The following SLC4A7 variants were observed in gnomAD, a reference collection of about 807,000 sequenced individuals.
The protein encoded by SLC4A7 is solute carrier family 4 member 7, also known as sodium bicarbonate cotransporter 3.
In SLC4A7, 51 loss-of-function variants were observed where a neutral mutation model predicts 137.6. That is an observed-to-expected ratio of 0.37 (90% CI 0.30 to 0.47). The LOEUF (loss-of-function observed/expected upper bound fraction) is 0.47, where lower values mean the gene tolerates loss of function less well. Among genes scored for constraint, SLC4A7 ranks in the 20% least tolerant of loss-of-function variants. The probability of loss-of-function intolerance (pLI) is 1.00; values close to 1 mark genes in which losing one functional copy is unlikely to be tolerated. For missense variants in SLC4A7, 1,247 were observed against 1,525.4 expected, an observed-to-expected ratio of 0.82 and a Z score of 3.04; for synonymous variants, 542 against 518.6, an observed-to-expected ratio of 1.05 and a Z score of -0.61.
At chr3:27,453,531 T>C (rs1254819808) in intron 1 of SLC4A7, among the ~76,000 whole-genome samples, 1 of 152,196 alleles carries the variant, frequency 6.6e-6, no homozygotes, top group Non-Finnish European at 1.5e-5. Context: ...GAGAATCACT[T>C]GAACCCGGGA....
intron 1 of SLC4A7, among the ~76,000 whole-genome samples, chr3:27,457,539 T>C (rs1289289203): frequency 1.3e-5 from 2 of 152,184 alleles, no homozygotes; most frequent in Non-Finnish European, 2.9e-5. Flanking sequence ...ATTCCTCTGA[T>C]AGTTCATCAA....
At chr3:27,466,359 G>C (rs569997610) in intron 1 of SLC4A7, among the ~76,000 whole-genome samples, 241 of 151,802 alleles carry the variant, frequency 1.6e-3, no homozygotes, top group African/African-American at 5.3e-3. Context: ...GCTGAGGCAG[G>C]AGAATGGTGT....
Position 27,394,637 on chromosome 3 carries a change from A to G in SLC4A7, c.2998T>C (p.Ser1000Pro), listed in dbSNP as rs1438466695. ...TGTTCCCCTGGAGCAGAACATTCAG[A>G]TTCAACTTTTAAGCTGTTGACATGA... ...ISHVNSLKVESECSAPGEQPK... is the reference protein window; with the variant it reads ...ISHVNSLKVEPECSAPGEQPK... The change falls in exon 20 of 26, where the codon TCT becomes CCT. Residue 1000 changes from serine (S) to proline (P), a missense_variant. Physicochemically the swap from Ser to Pro is moderately conservative, Grantham distance 74. Transcript: ENST00000454389. 5 of 1,614,172 alleles carry G rather than the reference A, an allele frequency of 3.1e-6. No individual in the cohort carries two copies. Among genetic ancestry groups the G allele is most frequent in the Non-Finnish European group, 4.2e-6 (5 of 1,180,016 alleles).
At chr3:27,478,511 CAAAA>C (rs34313327) in intron 1 of SLC4A7, among the ~76,000 whole-genome samples, 3 of 86,130 alleles carry the variant, frequency 3.5e-5, no homozygotes, top group Non-Finnish European at 7.2e-5. Flanking sequence ...GAGACTGCCT[CAAAA>C]AAAAAAAAAA....
At chr3:27,467,350 A>G (rs752241603) in intron 1 of SLC4A7, among the ~76,000 whole-genome samples, 5 of 152,154 alleles carry the variant, frequency 3.3e-5, no homozygotes, top group Non-Finnish European at 5.9e-5. Context: ...TATATGCCTT[A>G]TTTATGGAAT....
intron 15 of SLC4A7, 48 bp downstream of exon 15, chr3:27,403,091 T>G (rs1361820369): frequency 6.4e-7 from 1 of 1,550,802 alleles, no homozygotes; most frequent in South Asian, 1.3e-5. Context: ...GGCTCTGACA[T>G]CTCTGTAAAA....
intron 1 of SLC4A7, among the ~76,000 whole-genome samples, chr3:27,477,877 AT>A (rs1291887243): frequency 6.6e-6 from 1 of 152,030 alleles, no homozygotes; most frequent in Non-Finnish European, 1.5e-5. Flanking sequence ...AGCCTCCCAA[AT>A]TGCTGGGATT....
chr3:27,461,833 G>A (rs2150629157), intron 1 of SLC4A7, among the ~76,000 whole-genome samples: 1 of 151,618 alleles, frequency 6.6e-6, no homozygotes, highest in African/African-American at 2.4e-5. Context: ...ACTGTGGCAT[G>A]CTCCTGTAGT....
chr3:27,445,963 A>AATATATATATATATATAT (rs201941653), intron 3 of SLC4A7, among the ~76,000 whole-genome samples: 5 of 37,498 alleles, frequency 1.3e-4, no homozygotes, highest in African/African-American at 2.1e-4. Flanking sequence ...AAAAAAAAAA[A>AATATATATATATATATAT]ATATATATAT....
At position 27,401,329 on chromosome 3, in the gene SLC4A7, C is replaced by T. The variant is rs928308665; in HGVS notation, c.2322-460G>A. Among the ~76,000 whole-genome samples, 17 of 152,214 alleles carry T rather than the reference C, an allele frequency of 1.1e-4. No individual in the cohort carries two copies. In the South Asian group the frequency reaches 1.2e-3, roughly 11 times the overall value. ...CAGTCACCCTTTGTTGATCTTAAGGCTCATTCTTAAAGAAATAAATAAAAA... is the reference window on the plus strand; with the variant it reads ...CAGTCACCCTTTGTTGATCTTAAGGTTCATTCTTAAAGAAATAAATAAAAA... On this transcript the variant is annotated intron_variant, in intron 15 of 25. Transcript: ENST00000454389.
rs1166056403 is a variant in SLC4A7, at chr3:27,374,837, G to A, written c.*1927C>T. 36 of 152,464 alleles carry A rather than the reference G, an allele frequency of 2.4e-4. No homozygotes were observed. 9.4% of individuals were successfully genotyped at this position (152,464 alleles called of 1,614,324 possible). A position where few individuals can be genotyped will look rare whatever the true frequency, so the allele number is the denominator to read the frequency against. On this transcript the variant is annotated 3_prime_UTR_variant, in exon 26 of 26. Coordinates refer to ENST00000454389, the MANE Select transcript of SLC4A7 (RefSeq NM_001321103.2). The stretch of plus-strand genomic sequence containing the variant: ...ATCCTCTTGTTCAGGTACATCAGGG[G>A]AGTTTTAAAAATAGCAGCAAATACT...
intron 3 of SLC4A7, among the ~76,000 whole-genome samples, chr3:27,446,879 TTTTTTGTTTTTTTTG>T (rs1355200526): frequency 1.6e-4 from 15 of 92,610 alleles, no homozygotes; most frequent in Non-Finnish European, 2.9e-4. Flanking sequence ...TTTTTTGTTT[TTTTTTGTTTTTTTTG>T]TTTTTTTTAA....
chr3:27,431,814 C>T (rs982145483), intron 6 of SLC4A7, 145 bp from the exon 7 acceptor site: 9 of 727,828 alleles, frequency 1.2e-5, no homozygotes, highest in East Asian at 3.1e-5. Flanking sequence ...GCATGTCAAT[C>T]GGGTTTTTAC....
At chr3:27,460,798 CT>C (rs1432982895) in intron 1 of SLC4A7, among the ~76,000 whole-genome samples, 4 of 152,134 alleles carry the variant, frequency 2.6e-5, no homozygotes, top group Admixed American at 2.6e-4. Context: ...GCGCCATGGC[CT>C]TTAAGAATCT....
intron 23 of SLC4A7, among the ~76,000 whole-genome samples, chr3:27,384,435 G>C (rs1418566426): frequency 6.6e-6 from 1 of 152,146 alleles, no homozygotes; most frequent in African/African-American, 2.4e-5. Flanking sequence ...CTGAGGTCAG[G>C]AGAAAAGTAA....
chr3:27,470,381 G>C (rs2059188957), intron 1 of SLC4A7, among the ~76,000 whole-genome samples: 1 of 151,626 alleles, frequency 6.6e-6, no homozygotes, highest in Non-Finnish European at 1.5e-5. Flanking sequence ...GAAATATGAA[G>C]TTAAATTTGC....
chr3:27,405,264 A>G (rs542461043), intron 13 of SLC4A7, among the ~76,000 whole-genome samples: 10 of 152,240 alleles, frequency 6.6e-5, no homozygotes, highest in African/African-American at 2.4e-4. Flanking sequence ...TTGAGTGCCA[A>G]TACGACACTC....
intron 4 of SLC4A7, 102 bp from the exon 5 acceptor site, chr3:27,436,650 A>G: frequency 1.3e-6 from 1 of 761,336 alleles, no homozygotes; most frequent in Non-Finnish European, 1.9e-6. Context: ...AAAAAAAAAA[A>G]GAAATAAAGA....
intron 1 of SLC4A7, among the ~76,000 whole-genome samples, chr3:27,480,945 A>G (rs1559862556): frequency 6.6e-6 from 1 of 152,192 alleles, no homozygotes; most frequent in South Asian, 2.1e-4. Context: ...CTATATCCCC[A>G]TTACCTGGCA....
Sources: allele counts gnomAD v4.1 joint callset (sites outside exome capture counted in the v4.1 genomes callset), GRCh38; gene constraint gnomAD v4.1.1; transcripts MANE v1.5; gene names NCBI Gene and HGNC (gene_info 2026-07-23, HGNC 2026-07-21).